The following CHM variants were observed in gnomAD, a reference collection of about 807,000 sequenced individuals.
CHM encodes the protein CHM Rab escort protein, also known as rab proteins geranylgeranyltransferase component A 1.
In CHM, 10 loss-of-function variants were observed where a neutral mutation model predicts 49.0. The observed-to-expected ratio is 0.20, with a 90% CI of 0.13 to 0.35. The LOEUF is 0.35. CHM is among the 10% of genes least tolerant of loss of function. The pLI, the probability that CHM is intolerant of heterozygous loss-of-function variation, is 1.00. For synonymous variants in CHM, 184 were observed against 167.5 expected, an observed-to-expected ratio of 1.10 and a Z score of -0.76; for missense variants, 455 against 478.4, an observed-to-expected ratio of 0.95 and a Z score of 0.46.
chrX:86,008,408 A>G (rs753830100), intron 2 of CHM, among the ~76,000 whole-genome samples: 2 of 109,998 alleles, frequency 1.8e-5, no homozygotes, highest in African/African-American at 6.8e-5. Flanking sequence ...AAAGTATAAT[A>G]AAAAAAACTG....
At chrX:85,897,440 TA>T (rs143677864) in intron 11 of CHM, among the ~76,000 whole-genome samples, 25,794 of 105,581 alleles carry the variant, frequency 0.24, 2,505 homozygotes, top group African/African-American at 0.29. Context: ...TGTGTGCGTG[TA>T]CAAGAGCACT....
At chrX:86,017,525 C>T (rs941620926) in intron 2 of CHM, among the ~76,000 whole-genome samples, 2 of 111,249 alleles carry the variant, frequency 1.8e-5, no homozygotes, top group Non-Finnish European at 3.8e-5. Context: ...ACTTTTGCAT[C>T]TTCCTCATTT....
At chrX:85,866,087 G>T (rs764734583) in intron 14 of CHM, among the ~76,000 whole-genome samples, 1 of 112,793 alleles carries the variant, frequency 8.9e-6, no homozygotes, top group Non-Finnish European at 1.9e-5. Context: ...CAATTTGCAT[G>T]AGCAATGATG....
intron 13 of CHM, among the ~76,000 whole-genome samples, chrX:85,873,753 T>C (rs1924251742): frequency 1.8e-5 from 2 of 110,840 alleles, no homozygotes; most frequent in Non-Finnish European, 3.8e-5. Context: ...AGACAATGAA[T>C]TGTACACTTC....
chrX:85,881,602 TGCAG>T (rs1172157434), intron 12 of CHM, among the ~76,000 whole-genome samples: 10 of 111,940 alleles, frequency 8.9e-5, no homozygotes, highest in African/African-American at 3.2e-4. Flanking sequence ...ATGGCCTGCC[TGCAG>T]AGTGTCTGCC....
At chrX:85,884,279 C>T (rs1924950782) in intron 12 of CHM, among the ~76,000 whole-genome samples, 3 of 110,974 alleles carry the variant, frequency 2.7e-5, no homozygotes, top group Admixed American at 1.9e-4. Flanking sequence ...AAAAAAGATG[C>T]AATAACGATG....
At chrX:85,865,298 C>G (rs908538797) in intron 14 of CHM, among the ~76,000 whole-genome samples, 19 of 111,463 alleles carry the variant, frequency 1.7e-4, no homozygotes, top group Non-Finnish European at 3.0e-4. Flanking sequence ...CTCAGAATAT[C>G]TGATGGTTTA....
At chrX:85,927,601 A>C (rs748063535) in intron 8 of CHM, among the ~76,000 whole-genome samples, 1 of 112,465 alleles carries the variant, frequency 8.9e-6, no homozygotes, top group South Asian at 3.6e-4. Flanking sequence ...AATTGCGTAT[A>C]TCTGGAGTAT....
chrX:85,972,870 C>T (rs5968761), intron 4 of CHM, among the ~76,000 whole-genome samples: 19,174 of 111,858 alleles, frequency 0.17, 1,559 homozygotes, highest in Non-Finnish European at 0.25. Context: ...GCAGAGGAGG[C>T]GCCGAGAGCA....
In CHM at chrX:85,862,906, C is replaced by T. The variant is rs1923443865; in HGVS notation, c.*1724G>A. 1 of 110,965 alleles carries T rather than the reference C, an allele frequency of 9.0e-6. No individual in the cohort carries two copies. Among genetic ancestry groups the T allele is most frequent in the Non-Finnish European group, 1.9e-5 (1 of 52,915 alleles). The allele number at this position is 110,965 out of a possible 1,213,427, so 9.1% of individuals were successfully genotyped here. Reference sequence around the variant, plus strand: ...GTACTTTACATTGGAGCCATGGCTTCCTGACAGACAATATAGGCCAGATGT... The same window carrying T: ...GTACTTTACATTGGAGCCATGGCTTTCTGACAGACAATATAGGCCAGATGT... On this transcript the variant is annotated 3_prime_UTR_variant, in exon 15 of 15. Transcript: ENST00000357749.
chrX:86,047,518 G>C lies in CHM; in HGVS notation c.15C>G (p.Leu5=). Reference sequence around the variant, plus strand: ...TTACGATCACATCAAACTCCGAAGGGAGAGTATCCGCCATCTTGACGGGAA... The same window carrying C: ...TTACGATCACATCAAACTCCGAAGGCAGAGTATCCGCCATCTTGACGGGAA... The part of the protein sequence containing the change: MADT[L]PSEFDVIVIG... Residue 5 remains leucine (L), a synonymous_variant, in exon 1 of 15, where the codon CTC becomes CTG. Transcript: ENST00000357749. 2 of 1,206,883 alleles carry C rather than the reference G, an allele frequency of 1.7e-6. No homozygotes were observed. Among genetic ancestry groups the C allele is most frequent in the Non-Finnish European group, 2.2e-6 (2 of 892,378 alleles).
intron 14 of CHM, among the ~76,000 whole-genome samples, chrX:85,867,156 T>C (rs1395084428): frequency 2.7e-5 from 3 of 111,613 alleles, no homozygotes; most frequent in Non-Finnish European, 5.6e-5. Flanking sequence ...AATCCACAAG[T>C]ATTAGGGAGG....
At chrX:85,909,500 T>C (rs1039256966) in intron 9 of CHM, among the ~76,000 whole-genome samples, 2 of 111,562 alleles carry the variant, frequency 1.8e-5, no homozygotes, top group African/African-American at 6.5e-5. Context: ...GAAATCTGCA[T>C]TTTTGCCAAG....
chrX:85,960,701 C>T (rs938686754), intron 5 of CHM, among the ~76,000 whole-genome samples: 1 of 111,345 alleles, frequency 9.0e-6, no homozygotes, highest in Non-Finnish European at 1.9e-5. Context: ...GCTGGGATTA[C>T]AGGACTGAGC....
At chrX:85,950,861 T>C (rs1459412045) in intron 8 of CHM, among the ~76,000 whole-genome samples, 1 of 111,555 alleles carries the variant, frequency 9.0e-6, no homozygotes, top group Non-Finnish European at 1.9e-5. Flanking sequence ...CAAACTATAT[T>C]AAAAACAATG....
intron 2 of CHM, among the ~76,000 whole-genome samples, chrX:86,007,937 A>G (rs912790487): frequency 1.8e-5 from 2 of 112,111 alleles, no homozygotes; most frequent in Non-Finnish European, 3.8e-5. Flanking sequence ...AAATCATGCT[A>G]CTATAAAGAC....
rs189434903 is a variant in CHM at position 85,971,272 on chromosome X, T to C, written c.315-7220A>G. 3.9e-4 allele frequency: 294 copies of C among 745,529 alleles called. No homozygotes were observed. The African/African-American group carries it at 6.4e-3, about 16-fold the overall frequency. 61.4% of individuals were successfully genotyped at this position (745,529 alleles called of 1,213,427 possible). A position where few individuals can be genotyped will look rare whatever the true frequency, so the allele number is the denominator to read the frequency against. ...ATGCTATCGGTGTGTCCGGAATTGG[T>C]GGGTTCTTGGTCTCACTGACTTAAA... is the stretch of plus-strand genomic sequence containing the variant. On this transcript the variant is annotated intron_variant, in intron 4 of 14. Coordinates refer to ENST00000357749, the MANE Select transcript of CHM (RefSeq NM_000390.4).
At chrX:85,969,254 T>C (rs1169132787) in intron 4 of CHM, 3 of 724,107 alleles carry the variant, frequency 4.1e-6, no homozygotes, top group Non-Finnish European at 4.9e-6. Flanking sequence ...TATAAAGCTA[T>C]TGTTAATATT....
At position 85,864,218 on chromosome X, in the gene CHM, GAAAAT is replaced by G. The variant is rs1364448958; in HGVS notation, c.*407_*411del. 3 of 157,828 alleles carry G rather than the reference GAAAAT, an allele frequency of 1.9e-5. No homozygotes were observed. Among genetic ancestry groups the G allele is most frequent in the Non-Finnish European group, 3.6e-5 (3 of 82,793 alleles). The allele number at this position is 157,828 out of a possible 1,213,427, so 13.0% of individuals were successfully genotyped here. On this transcript the variant is annotated 3_prime_UTR_variant, in exon 15 of 15. Coordinates refer to ENST00000357749, the MANE Select transcript of CHM (RefSeq NM_000390.4). ...ATGTTATGATGCTCTTGTCCATAAA[GAAAAT>G]AAAATTCAAATAACCAAAGAAAATA...
Sources: gnomAD v4.1 joint callset for allele counts (sites outside exome capture counted in the v4.1 genomes callset) on GRCh38, gnomAD v4.1.1 for gene constraint, MANE v1.5 for transcripts, NCBI Gene and HGNC (gene_info 2026-07-23, HGNC 2026-07-21) for gene names.